Variants in STAB2 observed in about 807,000 individuals in gnomAD.
STAB2 encodes the protein stabilin-2.
A neutral mutation model predicts 338.1 loss-of-function variants in STAB2; 288 were observed. The ratio of observed to expected loss-of-function variants is 0.85; its 90% confidence interval spans 0.77 to 0.94. The LOEUF (loss-of-function observed/expected upper bound fraction) is 0.94, where lower values mean the gene tolerates loss of function less well. Ranked by LOEUF, STAB2 falls within the 40% of genes least tolerant of loss-of-function variation. The probability of loss-of-function intolerance (pLI) is 0.00; values close to 1 mark genes in which losing one functional copy is unlikely to be tolerated. For missense variants in STAB2, 3,141 were observed against 3,210.1 expected (o/e 0.98, Z 0.52); for synonymous variants, 1,202 against 1,193.3 (o/e 1.01, Z -0.15).
intron 31 of STAB2, among the ~76,000 whole-genome samples, chr12:103,694,856 TGCCCA>T (rs904654399): frequency 2.6e-5 from 4 of 152,076 alleles, no homozygotes; most frequent in Non-Finnish European, 5.9e-5. Context: ...CAAACTCAAA[TGCCCA>T]GATAGATCAG....
chr12:103,651,753 T>C (rs74859595), intron 11 of STAB2, among the ~76,000 whole-genome samples: 41 of 152,314 alleles, frequency 2.7e-4, no homozygotes, highest in African/African-American at 9.6e-4. Context: ...GATTGAAATC[T>C]GGGAAGTGGG....
At chr12:103,595,949 C>T (rs1437602153) in intron 3 of STAB2, among the ~76,000 whole-genome samples, 1 of 152,130 alleles carries the variant, frequency 6.6e-6, no homozygotes, top group Non-Finnish European at 1.5e-5. Flanking sequence ...ACTCCTTGCC[C>T]TGGAAAGGTC....
At chr12:103,608,246 C>G (rs1309120301) in intron 3 of STAB2, among the ~76,000 whole-genome samples, 1 of 152,198 alleles carries the variant, frequency 6.6e-6, no homozygotes, top group Non-Finnish European at 1.5e-5. Flanking sequence ...TCACGCCATT[C>G]TCCTGCCTCA....
At chr12:103,605,824 T>C (rs746226543) in intron 3 of STAB2, among the ~76,000 whole-genome samples, 3 of 152,038 alleles carry the variant, frequency 2.0e-5, no homozygotes, top group Non-Finnish European at 4.4e-5. Flanking sequence ...CTTTTTTCTC[T>C]CCTTTACCTT....
At chr12:103,669,701 T>G in intron 21 of STAB2, 74 bp downstream of exon 21, 1 of 1,344,872 alleles carries the variant, frequency 7.4e-7, no homozygotes, top group Non-Finnish European at 1.1e-6. Flanking sequence ...CAAAATGTGA[T>G]ATAATGCCAG....
At chr12:103,644,884 C>T (rs182495768) in intron 9 of STAB2, among the ~76,000 whole-genome samples, 246 of 152,278 alleles carry the variant, frequency 1.6e-3, no homozygotes, top group African/African-American at 5.8e-3. Context: ...GATTATTATG[C>T]ATTGCATGTC....
At chr12:103,700,405 T>C (rs1441267617) in intron 34 of STAB2, among the ~76,000 whole-genome samples, 3 of 152,230 alleles carry the variant, frequency 2.0e-5, no homozygotes, top group Non-Finnish European at 4.4e-5. Flanking sequence ...ATTTCTTCAG[T>C]GGTGTCACTA....
intron 27 of STAB2, 121 bp from the exon 28 acceptor site, chr12:103,688,047 G>A: frequency 1.1e-6 from 1 of 921,948 alleles, no homozygotes; most frequent in Non-Finnish European, 1.8e-6. Flanking sequence ...AGGACAACGA[G>A]CCTAGCCCCA....
chr12:103,679,613 C>T (rs1051589056), intron 25 of STAB2, among the ~76,000 whole-genome samples: 5 of 152,042 alleles, frequency 3.3e-5, no homozygotes, highest in Admixed American at 3.3e-4. Flanking sequence ...GGCAATGGGA[C>T]AGGGATAGAA....
intron 8 of STAB2, among the ~76,000 whole-genome samples, chr12:103,638,959 C>T (rs1235331238): frequency 6.6e-6 from 1 of 152,202 alleles, no homozygotes; most frequent in Non-Finnish European, 1.5e-5. Context: ...TGGATGCTAG[C>T]TGATGGGAAT....
intron 3 of STAB2, among the ~76,000 whole-genome samples, chr12:103,611,260 G>A (rs1157072374): frequency 4.6e-5 from 7 of 152,250 alleles, no homozygotes; most frequent in South Asian, 4.1e-4. Flanking sequence ...TTTCTGTCTC[G>A]TTGATCTGTC....
intron 4 of STAB2, 98 bp downstream of exon 4, chr12:103,620,651 AC>A: frequency 1.0e-6 from 1 of 976,940 alleles, no homozygotes; most frequent in Non-Finnish European, 1.5e-6. Flanking sequence ...ACACACACAC[AC>A]ACGTGCACAC....
At chr12:103,709,362 G>A (rs371817851) in intron 39 of STAB2, among the ~76,000 whole-genome samples, 13 of 152,332 alleles carry the variant, frequency 8.5e-5, no homozygotes, top group Middle Eastern at 3.4e-3. Flanking sequence ...GCCGTGAAAC[G>A]CTAAGGAGGT....
intron 39 of STAB2, 110 bp downstream of exon 39, chr12:103,708,646 T>C: frequency 1.0e-6 from 1 of 991,364 alleles, no homozygotes; most frequent in Non-Finnish European, 1.5e-6. Context: ...CTTCTGGCAA[T>C]AAACATGATT....
intron 28 of STAB2, 114 bp from the exon 29 acceptor site, chr12:103,689,732 C>T: frequency 7.2e-7 from 1 of 1,395,666 alleles, no homozygotes; most frequent in Non-Finnish European, 9.7e-7. Context: ...GGAAAGGAGA[C>T]CCTAGGACCC....
chr12:103,723,724 G>A (rs1289486454), intron 44 of STAB2, among the ~76,000 whole-genome samples: 11 of 152,156 alleles, frequency 7.2e-5, no homozygotes, highest in Non-Finnish European at 2.9e-5. Flanking sequence ...CCATAGTGAT[G>A]GAGGGAGAGA....
chr12:103,625,490 C>A (rs1454012179), intron 5 of STAB2, among the ~76,000 whole-genome samples: 1 of 152,140 alleles, frequency 6.6e-6, no homozygotes, highest in Non-Finnish European at 1.5e-5. Flanking sequence ...AGGTATATCT[C>A]CTAAAGCTAT....
At chr12:103,681,909 T>G (rs563615850) in intron 25 of STAB2, among the ~76,000 whole-genome samples, 11 of 152,208 alleles carry the variant, frequency 7.2e-5, no homozygotes, top group Non-Finnish European at 1.2e-4. Context: ...ATAAGGATAC[T>G]GGTCTTACTG....
At chr12:103,712,789 A>G (rs530630615) in intron 41 of STAB2, among the ~76,000 whole-genome samples, 1 of 152,368 alleles carries the variant, frequency 6.6e-6, no homozygotes, top group East Asian at 1.9e-4. Context: ...GTCCATTAAA[A>G]AAGAATTTAA....
Sources: allele counts gnomAD v4.1 joint callset (sites outside exome capture counted in the v4.1 genomes callset), GRCh38; gene constraint gnomAD v4.1.1; transcripts MANE v1.5; gene names NCBI Gene and HGNC (gene_info 2026-07-23, HGNC 2026-07-21).